GSG1L: variants seen among roughly 807,000 people sequenced by gnomAD.
GSG1L encodes the protein germ cell-specific gene 1-like protein.
GSG1L carries 24 observed loss-of-function variants against 42.1 expected under a neutral mutation model. The ratio of observed to expected loss-of-function variants is 0.57; its 90% CI spans 0.41 to 0.80. GSG1L has a LOEUF of 0.80. Ranked by LOEUF, GSG1L falls within the 30% of genes least tolerant of loss-of-function variation. The pLI, the probability that GSG1L is intolerant of heterozygous loss-of-function variation, is 0.00. For synonymous variants in GSG1L, 215 were observed against 203.5 expected (o/e 1.06, Z -0.48); for missense variants, 445 against 472.2 (o/e 0.94, Z 0.53).
intron 1 of GSG1L, among the ~76,000 whole-genome samples, chr16:28,057,764 G>T (rs1286048676): frequency 6.6e-6 from 1 of 152,166 alleles, no homozygotes; most frequent in African/African-American, 2.4e-5. Flanking sequence ...TCATGGGGCA[G>T]ATAGGATCAT....
At chr16:28,055,224 C>T (rs1293060594) in intron 1 of GSG1L, among the ~76,000 whole-genome samples, 1 of 152,170 alleles carries the variant, frequency 6.6e-6, no homozygotes, top group Non-Finnish European at 1.5e-5. Flanking sequence ...GACACGATGA[C>T]AGCTCACTGC....
chr16:28,036,516 C>T (rs1050731624), intron 1 of GSG1L, among the ~76,000 whole-genome samples: 3 of 152,216 alleles, frequency 2.0e-5, no homozygotes, highest in Admixed American at 6.5e-5. Context: ...CAGGGCCCTC[C>T]ACTGGGATTC....
At chr16:27,814,405 C>T (rs2083069936) in intron 5 of GSG1L, among the ~76,000 whole-genome samples, 1 of 152,212 alleles carries the variant, frequency 6.6e-6, no homozygotes, top group Non-Finnish European at 1.5e-5. Flanking sequence ...AGCCACTGTA[C>T]CCGGCCCCCT....
chr16:27,900,552 G>C lies in GSG1L; in HGVS notation c.398-15914C>G, dbSNP rs1197579352. On this transcript the variant is annotated intron_variant, in intron 2 of 6. Transcript: ENST00000447459. ...AAGTATTTGAGGTAGGGGCTACCAGGCTCCATCTTCCAGGTAAGGACACTG... is the reference window on the plus strand; with the variant it reads ...AAGTATTTGAGGTAGGGGCTACCAGCCTCCATCTTCCAGGTAAGGACACTG... Among the ~76,000 whole-genome samples the C allele has an allele frequency of 2.0e-5, 3 of 152,142 alleles. No individual in the cohort carries two copies. In the East Asian group the frequency reaches 5.8e-4, roughly 29 times the overall value.
At position 27,872,636 on chromosome 16, in the gene GSG1L, T is replaced by C. The variant is rs543858700; in HGVS notation, c.550+11850A>G. ...ATAAAGACCTTGCTGATAAAACAGG[T>C]TGCGGTAAAGAAGCCAGCCAAAACC... On this transcript the variant is annotated intron_variant, in intron 3 of 6. Transcript: ENST00000447459. Among the ~76,000 whole-genome samples, 12 of 152,194 alleles carry C rather than the reference T, an allele frequency of 7.9e-5. No homozygotes were observed. The East Asian group carries it at 1.5e-3, about 20-fold the overall frequency.
intron 4 of GSG1L, among the ~76,000 whole-genome samples, chr16:27,836,277 A>AT (rs3047682): frequency 1.0e-3 from 133 of 132,480 alleles, no homozygotes; most frequent in South Asian, 1.8e-3. Context: ...CACTGTTTTC[A>AT]TTTTTTTTTT....
At chr16:27,922,213 C>T (rs1401771464) in intron 2 of GSG1L, among the ~76,000 whole-genome samples, 1 of 152,038 alleles carries the variant, frequency 6.6e-6, no homozygotes, top group African/African-American at 2.4e-5. Context: ...CTCTTGTGGC[C>T]TCAAGAACGT....
intron 1 of GSG1L, among the ~76,000 whole-genome samples, chr16:28,006,672 A>G (rs1436012864): frequency 6.6e-6 from 1 of 152,122 alleles, no homozygotes; most frequent in Non-Finnish European, 1.5e-5. Flanking sequence ...ACTGTAAGAT[A>G]ATACATGTAT....
At chr16:27,860,023 TGCTCCCAGCAGGG>T (rs72329342) in intron 3 of GSG1L, among the ~76,000 whole-genome samples, 58,129 of 151,796 alleles carry the variant, frequency 0.38, 11,210 homozygotes, top group South Asian at 0.44. Flanking sequence ...CTCTGGCAGG[TGCTCCCAGCAGGG>T]GCTCCCTCTG....
At chr16:27,814,803 C>T (rs2083075948) in intron 5 of GSG1L, among the ~76,000 whole-genome samples, 1 of 152,052 alleles carries the variant, frequency 6.6e-6, no homozygotes, top group Non-Finnish European at 1.5e-5. Context: ...CAAGGGTCAT[C>T]AGCAATGCTG....
chr16:27,953,567 C>T (rs990139786), intron 2 of GSG1L, among the ~76,000 whole-genome samples: 3 of 152,150 alleles, frequency 2.0e-5, no homozygotes, highest in Admixed American at 1.3e-4. Context: ...ATAGAGAAGA[C>T]GCACCAATGC....
intron 6 of GSG1L, among the ~76,000 whole-genome samples, chr16:27,794,622 C>T (rs1000807611): frequency 7.9e-5 from 12 of 152,306 alleles, no homozygotes; most frequent in Admixed American, 4.6e-4. Context: ...TGAGCCACCG[C>T]GCCCGGCCCA....
In GSG1L at chr16:27,933,018, C is replaced by T. The variant is rs148899383; in HGVS notation, c.397+30138G>A. On this transcript the variant is annotated intron_variant, in intron 2 of 6. Coordinates refer to ENST00000447459, the MANE Select transcript of GSG1L (RefSeq NM_001109763.2). ...CTGAGTGGTGGGGTGATTTGTTACACAGCCTTACTGCAGGAATAGCTGACT... is the reference window on the plus strand; with the variant it reads ...CTGAGTGGTGGGGTGATTTGTTACATAGCCTTACTGCAGGAATAGCTGACT... Among the ~76,000 whole-genome samples, 36 of 152,190 alleles carry T rather than the reference C, an allele frequency of 2.4e-4. No homozygotes were observed. The East Asian group carries it at 4.4e-3, about 19-fold the overall frequency.
intron 2 of GSG1L, among the ~76,000 whole-genome samples, chr16:27,952,416 G>C (rs996786687): frequency 6.6e-6 from 1 of 152,216 alleles, no homozygotes; most frequent in African/African-American, 2.4e-5. Flanking sequence ...TTTCTAAGCT[G>C]GGTTTTGAAG....
chr16:27,977,747 C>G (rs2085267597), intron 1 of GSG1L, among the ~76,000 whole-genome samples: 1 of 152,042 alleles, frequency 6.6e-6, no homozygotes, highest in African/African-American at 2.4e-5. Context: ...CAATACCTGT[C>G]AACTCAAGGC....
At position 28,063,352 on chromosome 16, in the gene GSG1L, T is replaced by G; in HGVS notation, c.73A>C (p.Thr25Pro). The G allele has an allele frequency of 7.1e-7, 1 of 1,405,012 alleles. No individual in the cohort carries two copies. Among genetic ancestry groups the G allele is most frequent in the Non-Finnish European group, 9.3e-7 (1 of 1,072,718 alleles). 87.0% of individuals were successfully genotyped at this position (1,405,012 alleles called of 1,614,324 possible). ...LNLLALLFATTAFLTTHWCQG... is the reference protein window; with the variant it reads ...LNLLALLFATPAFLTTHWCQG... ...CACCAGTGCGTGGTGAGGAAAGCGGTGGTGGCGAACAGCAGCGCCAGCAGG... is the reference window on the plus strand; with the variant it reads ...CACCAGTGCGTGGTGAGGAAAGCGGGGGTGGCGAACAGCAGCGCCAGCAGG... Residue 25 changes from threonine to proline, a missense_variant, in exon 1 of 7, where the codon ACC (threonine) becomes CCC (proline). Thr to Pro is a conservative substitution (Grantham distance 38, BLOSUM62 -1). Transcript: ENST00000447459. The surrounding 1 kb of genome is among the most constrained non-coding windows in gnomAD (Gnocchi z 5.8).
intron 3 of GSG1L, among the ~76,000 whole-genome samples, chr16:27,860,087 C>G (rs540111944): frequency 3.3e-4 from 51 of 152,286 alleles, no homozygotes; most frequent in African/African-American, 1.2e-3. Context: ...CCTTCAATCA[C>G]CAAAGATTAA....
At chr16:28,009,810 G>T (rs1366645220) in intron 1 of GSG1L, among the ~76,000 whole-genome samples, 1 of 152,216 alleles carries the variant, frequency 6.6e-6, no homozygotes, top group Non-Finnish European at 1.5e-5. Context: ...GTAAAATGGG[G>T]ATTATGACTT....
chr16:27,888,499 CTTTCTTTCTTTCTTTCTTTCT>C (rs2084074649), intron 2 of GSG1L, among the ~76,000 whole-genome samples: 1 of 6,464 alleles, frequency 1.5e-4, no homozygotes, highest in Non-Finnish European at 3.8e-4. Context: ...TTCTTTCTTT[CTTTCTTTCTTTCTTTCTTTCT>C]TTCTTTCTTT....
Sources: allele counts gnomAD v4.1 joint callset (sites outside exome capture counted in the v4.1 genomes callset), GRCh38; gene constraint gnomAD v4.1.1; non-coding constraint Gnocchi (gnomAD v3.1); transcripts MANE v1.5; gene names NCBI Gene and HGNC (gene_info 2026-07-23, HGNC 2026-07-21).